The following CDH18 variants were observed in gnomAD, a reference collection of about 807,000 sequenced individuals.
CDH18 encodes the protein cadherin 18, also known as cadherin-18.
A neutral mutation model predicts 67.9 loss-of-function variants in CDH18; 31 were observed. The ratio of observed to expected loss-of-function variants is 0.46; its 90% CI spans 0.34 to 0.62. The LOEUF (loss-of-function observed/expected upper bound fraction) is 0.62. Ranked by LOEUF, CDH18 falls within the 20% of genes least tolerant of loss-of-function variation. The pLI is 0.01. For missense variants in CDH18, 890 were observed against 975.5 expected (o/e 0.91, Z 1.17); for synonymous variants, 362 against 347.2 (o/e 1.04, Z -0.48).
intron 1 of CDH18, among the ~76,000 whole-genome samples, chr5:20,326,034 G>A (rs554359861): frequency 6.6e-6 from 1 of 152,140 alleles, no homozygotes; most frequent in African/African-American, 2.4e-5. Context: ...AATATGCTCA[G>A]GCACATTTCT....
intron 1 of CDH18, among the ~76,000 whole-genome samples, chr5:20,443,083 G>C (rs893990851): frequency 6.7e-6 from 1 of 148,560 alleles, no homozygotes; most frequent in Non-Finnish European, 1.5e-5. Flanking sequence ...AGTGGCGGGC[G>C]CCTGTAGTCC....
chr5:19,737,151 T>C (rs1581128192), intron 4 of CDH18, among the ~76,000 whole-genome samples: 1 of 152,136 alleles, frequency 6.6e-6, no homozygotes, highest in African/African-American at 2.4e-5. Flanking sequence ...ACAGTGTTTT[T>C]TTTCTATATC....
At chr5:20,220,898 T>G (rs1388486120) in intron 2 of CDH18, among the ~76,000 whole-genome samples, 1 of 151,894 alleles carries the variant, frequency 6.6e-6, no homozygotes, top group Non-Finnish European at 1.5e-5. Context: ...ATCAGAAAAA[T>G]TCAAATGAAA....
chr5:19,474,108 A>C (rs959605121), intron 12 of CDH18, among the ~76,000 whole-genome samples: 4 of 152,152 alleles, frequency 2.6e-5, no homozygotes, highest in Admixed American at 2.6e-4. Context: ...CTCTCTATAG[A>C]TATTTAATCC....
At chr5:20,249,382 C>CTTTT (rs11395247) in intron 2 of CDH18, among the ~76,000 whole-genome samples, 15 of 129,718 alleles carry the variant, frequency 1.2e-4, no homozygotes, top group South Asian at 2.4e-4. Flanking sequence ...TCCTTTAAAA[C>CTTTT]TTTTTTTTTT....
chr5:19,540,624 A>G (rs1429259328), intron 9 of CDH18, among the ~76,000 whole-genome samples: 1 of 152,092 alleles, frequency 6.6e-6, no homozygotes, highest in East Asian at 1.9e-4. Context: ...CTTGACTTCT[A>G]TCTACCCTCA....
At chr5:19,788,291 A>C (rs1581358056) in intron 3 of CDH18, among the ~76,000 whole-genome samples, 1 of 152,208 alleles carries the variant, frequency 6.6e-6, no homozygotes, top group East Asian at 1.9e-4. Flanking sequence ...GATAACTTGA[A>C]ACAAAAAAAG....
At chr5:19,506,220 A>G (rs1402467214) in intron 10 of CDH18, among the ~76,000 whole-genome samples, 1 of 152,110 alleles carries the variant, frequency 6.6e-6, no homozygotes, top group Non-Finnish European at 1.5e-5. Flanking sequence ...AAGACGTCTT[A>G]AAGGAGAACT....
Position 19,703,236 on chromosome 5 carries a change from G to T in CDH18, c.643+18111C>A, listed in dbSNP as rs554756112. Among the ~76,000 whole-genome samples, 6 of 152,216 alleles carry T rather than the reference G, an allele frequency of 3.9e-5. No homozygotes were observed. In the East Asian group the frequency reaches 1.2e-3, roughly 30 times the overall value. On this transcript the variant is annotated intron_variant, in intron 5 of 12. Coordinates refer to ENST00000382275, the MANE Select transcript of CDH18 (RefSeq NM_004934.5). The stretch of plus-strand genomic sequence containing the variant: ...GGGCTCAAACCTGGGTCGAAGGGTT[G>T]CCAGAGTGACGGTTGGAGAACATGG...
rs552828054 is a variant in CDH18 at position 19,967,819 on chromosome 5, T to C, written c.-257+13241A>G. Among the ~76,000 whole-genome samples, 114 of 152,214 alleles carry C rather than the reference T, an allele frequency of 7.5e-4. 2 individuals are homozygous for C. Among genetic ancestry groups the C allele is most frequent in the Non-Finnish European group, 1.4e-3 (92 of 68,018 alleles). ...CCTCTCTCACCACTCCTATTCAATA[T>C]AGTGTTGGAAGTTCTGGCCAGGGCA... On this transcript the variant is annotated intron_variant, in intron 2 of 12. Coordinates refer to ENST00000382275, the MANE Select transcript of CDH18 (RefSeq NM_004934.5).
At chr5:20,045,850 G>T (rs1740849946) in intron 2 of CDH18, among the ~76,000 whole-genome samples, 1 of 151,990 alleles carries the variant, frequency 6.6e-6, no homozygotes, top group Non-Finnish European at 1.5e-5. Context: ...CAGAAAGCAG[G>T]CCCTCACCAG....
intron 12 of CDH18, among the ~76,000 whole-genome samples, chr5:19,477,703 T>A (rs1204488354): frequency 6.6e-6 from 1 of 152,088 alleles, no homozygotes; most frequent in Non-Finnish European, 1.5e-5. Flanking sequence ...AAGAATGTAT[T>A]CAAATGACCC....
chr5:20,505,062 T>C (rs1366392389), intron 1 of CDH18, among the ~76,000 whole-genome samples: 1 of 151,372 alleles, frequency 6.6e-6, no homozygotes. Flanking sequence ...CCATCGCGCC[T>C]GGCCACAAAA....
chr5:20,101,070 C>G (rs961111918), intron 2 of CDH18, among the ~76,000 whole-genome samples: 2 of 151,998 alleles, frequency 1.3e-5, no homozygotes, highest in African/African-American at 2.4e-5. Flanking sequence ...TCCTACCCAA[C>G]CCTCTCACCT....
intron 1 of CDH18, among the ~76,000 whole-genome samples, chr5:20,346,564 T>G (rs1740717174): frequency 1.3e-5 from 2 of 152,148 alleles, no homozygotes; most frequent in African/African-American, 4.8e-5. Context: ...GGTTCGTCTG[T>G]GAAGACCAGC....
At chr5:19,939,450 A>T (rs1043129677) in intron 2 of CDH18, among the ~76,000 whole-genome samples, 1 of 151,640 alleles carries the variant, frequency 6.6e-6, no homozygotes, top group Non-Finnish European at 1.5e-5. Context: ...TATTTTTGAA[A>T]TTATAATCCA....
At chr5:20,284,947 A>G (rs1442217277) in intron 1 of CDH18, among the ~76,000 whole-genome samples, 1 of 151,752 alleles carries the variant, frequency 6.6e-6, no homozygotes, top group Non-Finnish European at 1.5e-5. Context: ...TTACTTGAAA[A>G]ACTCTTACAT....
At chr5:20,496,348 T>C (rs192115025) in intron 1 of CDH18, among the ~76,000 whole-genome samples, 1 of 152,258 alleles carries the variant, frequency 6.6e-6, no homozygotes, top group Admixed American at 6.5e-5. Context: ...CCTAATCATA[T>C]TGTCTTTTAA....
chr5:19,483,433 G>C lies in CDH18; in HGVS notation c.1750C>G (p.Leu584Val), dbSNP rs372726350. The change falls in exon 12 of 13, where the codon CTC becomes GTC. Residue 584 changes from leucine (L) to valine (V), a missense_variant. Transcript: ENST00000382275. ...TCGCATGCACAAACCCTGATGGTGA[G>C]GGTGCTGCTGCTGCTGAGAGAGGGG... ...GIPSLSSSST[L>V]TIRVCACERD... 5.6e-6 allele frequency: 9 copies of C among 1,613,990 alleles called. No homozygotes were observed.
Sources: allele counts gnomAD v4.1 joint callset (sites outside exome capture counted in the v4.1 genomes callset), GRCh38; gene constraint gnomAD v4.1.1; transcripts MANE v1.5; gene names NCBI Gene and HGNC (gene_info 2026-07-23, HGNC 2026-07-21).